Variants in SASS6 observed in about 807,000 individuals in gnomAD.
SASS6 encodes the protein SAS-6 centriolar assembly protein.
SASS6 carries 59 observed loss-of-function variants against 94.9 expected under a neutral mutation model. That is an observed-to-expected ratio of 0.62 (90% confidence interval 0.50 to 0.77). SASS6 has a LOEUF of 0.77. Ranked by LOEUF, SASS6 falls within the 30% of genes least tolerant of loss-of-function variation. The pLI, the probability that SASS6 is intolerant of heterozygous loss-of-function variation, is 0.00. For missense variants in SASS6, 698 were observed against 734.1 expected, an observed-to-expected ratio of 0.95 and a Z score of 0.57; for synonymous variants, 264 against 270.0, an observed-to-expected ratio of 0.98 and a Z score of 0.22.
Position 100,085,190 on chromosome 1 carries a change from C to A in SASS6, c.*138G>T. On this transcript the variant is annotated 3_prime_UTR_variant, in exon 17 of 17. Coordinates refer to ENST00000287482, the MANE Select transcript of SASS6 (RefSeq NM_194292.3). ...CCTATATTATAAACTGCCATAAAAG[C>A]AGTACTTAAAGTATCCAGTCTTTAA... 1.6e-6 allele frequency: 1 copy of A among 638,466 alleles called. No individual in the cohort carries two copies. Among genetic ancestry groups the A allele is most frequent in the Non-Finnish European group, 2.8e-6 (1 of 353,098 alleles). The allele number at this position is 638,466 out of a possible 1,614,324, so 39.6% of individuals were successfully genotyped here. A position where few individuals can be genotyped will look rare whatever the true frequency, so the allele number is the denominator to read the frequency against.
intron 1 of SASS6, among the ~76,000 whole-genome samples, chr1:100,129,105 T>TG (rs1254585479): frequency 1.1e-4 from 16 of 151,968 alleles, no homozygotes. Flanking sequence ...CCAGGCATGG[T>TG]GGTGCATGCC....
chr1:100,123,144 C>G, intron 3 of SASS6, 66 bp downstream of exon 3: 1 of 686,864 alleles, frequency 1.5e-6, no homozygotes, highest in South Asian at 1.7e-5. Flanking sequence ...TGAAAGAGAA[C>G]AGTACCAATA....
chr1:100,107,602 T>A, intron 10 of SASS6, 26 bp downstream of exon 10: 1 of 1,547,310 alleles, frequency 6.5e-7, no homozygotes, highest in East Asian at 2.3e-5. Flanking sequence ...AATGAAATAC[T>A]AGTCTATAAA....
intron 14 of SASS6, among the ~76,000 whole-genome samples, chr1:100,102,316 C>T (rs943674330): frequency 6.6e-6 from 1 of 152,016 alleles, no homozygotes; most frequent in African/African-American, 2.4e-5. Flanking sequence ...CAGACTCCAA[C>T]AGTATGAAGT....
At chr1:100,111,495 T>G (rs532370471) in intron 7 of SASS6, among the ~76,000 whole-genome samples, 1 of 152,166 alleles carries the variant, frequency 6.6e-6, no homozygotes, top group South Asian at 2.1e-4. Context: ...CAATTATAAA[T>G]AAAATGATGA....
At chr1:100,127,535 C>T (rs1043349290) in intron 1 of SASS6, among the ~76,000 whole-genome samples, 3 of 152,206 alleles carry the variant, frequency 2.0e-5, no homozygotes, top group Admixed American at 2.0e-4. Flanking sequence ...AATGTTACCT[C>T]ATAACTTGTA....
At chr1:100,129,967 T>C (rs1015098555) in intron 1 of SASS6, among the ~76,000 whole-genome samples, 3 of 152,242 alleles carry the variant, frequency 2.0e-5, no homozygotes, top group Non-Finnish European at 4.4e-5. Context: ...TAAAATTTAG[T>C]GAACATTTAT....
At chr1:100,115,465 C>T (rs935443733) in intron 7 of SASS6, among the ~76,000 whole-genome samples, 2 of 152,040 alleles carry the variant, frequency 1.3e-5, no homozygotes, top group South Asian at 2.1e-4. Flanking sequence ...CTCCACTGAA[C>T]GAGAAAATGA....
At chr1:100,124,486 T>A (rs1218698041) in intron 2 of SASS6, among the ~76,000 whole-genome samples, 3 of 152,174 alleles carry the variant, frequency 2.0e-5, no homozygotes, top group African/African-American at 4.8e-5. Context: ...TCTCAAGTGA[T>A]CCTTCCACCT....
chr1:100,107,099 C>T, intron 11 of SASS6, 106 bp from the exon 12 acceptor site: 2 of 616,902 alleles, frequency 3.2e-6, no homozygotes, highest in South Asian at 4.3e-5. Context: ...GTTACTACTA[C>T]TATTATTAAA....
At chr1:100,097,725 A>G (rs1254460060) in intron 14 of SASS6, among the ~76,000 whole-genome samples, 6 of 152,180 alleles carry the variant, frequency 3.9e-5, no homozygotes, top group Non-Finnish European at 8.8e-5. Context: ...GCTACTCAGG[A>G]GGCTAAGATA....
chr1:100,089,227 T>A (rs1651517860), intron 14 of SASS6, among the ~76,000 whole-genome samples: 1 of 151,784 alleles, frequency 6.6e-6, no homozygotes, highest in Non-Finnish European at 1.5e-5. Context: ...TAAAATGAAA[T>A]AAATAATAAT....
chr1:100,108,074 T>A, intron 8 of SASS6, 70 bp from the exon 9 acceptor site: 2 of 855,722 alleles, frequency 2.3e-6, no homozygotes, highest in Non-Finnish European at 3.6e-6. Context: ...TATTTATAAT[T>A]AAGATGTCTA....
In SASS6 at chr1:100,108,006, T is replaced by C; in HGVS notation, c.862-2A>G. 1.3e-6 allele frequency: 2 copies of C among 1,570,190 alleles called. No individual in the cohort carries two copies. The highest frequency in any genetic ancestry group is 1.7e-6 in the Non-Finnish European group (2 of 1,156,160). ...TTCTTGCTTAGTCCGCTGTAGCTCC[T>C]AGAATGGGAAAAGAAAGAAATTAAG... is the stretch of plus-strand genomic sequence containing the variant. On this transcript the variant is annotated splice_acceptor_variant, in intron 8 of 16. Transcript: ENST00000287482. LOFTEE classifies it high-confidence loss of function.
chr1:100,109,514 T>C (rs995939271), intron 8 of SASS6, among the ~76,000 whole-genome samples: 6 of 152,070 alleles, frequency 3.9e-5, no homozygotes, highest in South Asian at 2.1e-4. Context: ...GATGAGTTGA[T>C]AGGTGCAGCA....
In SASS6 at chr1:100,119,130, G is replaced by A; in HGVS notation, c.557C>T (p.Ala186Val). 6.5e-7 allele frequency: 1 copy of A among 1,546,938 alleles called. No homozygotes were observed. Among genetic ancestry groups the A allele is most frequent in the Non-Finnish European group, 8.8e-7 (1 of 1,131,452 alleles). ...KQLDFTRKTL[A>V]EKKQELDKLR... Reference sequence around the variant, plus strand: ...CTTATCTAATTCTTGTTTTTTTTCTGCTAATGTCTACATTAGAGTTTAACA... The same window carrying A: ...CTTATCTAATTCTTGTTTTTTTTCTACTAATGTCTACATTAGAGTTTAACA... The change falls in exon 7 of 17, where the codon GCA (alanine) becomes GTA (valine). Residue 186 changes from alanine (A) to valine (V), a missense_variant. Coordinates refer to ENST00000287482, the MANE Select transcript of SASS6 (RefSeq NM_194292.3).
intron 6 of SASS6, among the ~76,000 whole-genome samples, chr1:100,119,652 C>A (rs1174804744): frequency 6.6e-6 from 1 of 152,194 alleles, no homozygotes; most frequent in African/African-American, 2.4e-5. Context: ...TAGTGCCATT[C>A]CCTTGGTGTT....
intron 1 of SASS6, among the ~76,000 whole-genome samples, chr1:100,130,662 C>T (rs914246400): frequency 7.0e-6 from 1 of 142,828 alleles, no homozygotes; most frequent in African/African-American, 2.6e-5. Context: ...ATACTCCAGT[C>T]TGGGCAACAG....
intron 14 of SASS6, among the ~76,000 whole-genome samples, 160 bp downstream of exon 14, chr1:100,102,795 C>A (rs548023462): frequency 4.6e-5 from 7 of 151,230 alleles, no homozygotes; most frequent in East Asian, 1.9e-4. Flanking sequence ...ATTTCCTGTA[C>A]ACATAGATAC....
Sources: allele counts gnomAD v4.1 joint callset (sites outside exome capture counted in the v4.1 genomes callset), GRCh38; gene constraint gnomAD v4.1.1; transcripts MANE v1.5; gene names NCBI Gene and HGNC (gene_info 2026-07-23, HGNC 2026-07-21).